ATP8B2: variants seen among roughly 807,000 people sequenced by gnomAD.
ATP8B2 encodes the protein phospholipid-transporting ATPase ID.
A neutral mutation model predicts 133.4 loss-of-function variants in ATP8B2; 70 were observed. The observed-to-expected ratio is 0.52, with a 90% CI of 0.43 to 0.64. ATP8B2 has a LOEUF of 0.64. Ranked by LOEUF, ATP8B2 falls within the 30% of genes least tolerant of loss-of-function variation. ATP8B2 has a pLI of 0.00. For synonymous variants in ATP8B2, 517 were observed against 589.5 expected (o/e 0.88, Z 1.78); for missense variants, 1,101 against 1,535.7 (o/e 0.72, Z 4.73).
chr1:154,340,291 G>A lies in ATP8B2; in HGVS notation c.1035-563G>A, dbSNP rs1003099826. Among the ~76,000 whole-genome samples the A allele has an allele frequency of 1.3e-5, 2 of 152,126 alleles. No homozygotes were observed. The highest frequency in any genetic ancestry group is 3.9e-4 in the East Asian group (2 of 5,194). ...TGGAGTCAGCACCTCAGCCCTGCCCGGTGTTCAGAATCAGGAATGTAGTGC... is the reference window on the plus strand; with the variant it reads ...TGGAGTCAGCACCTCAGCCCTGCCCAGTGTTCAGAATCAGGAATGTAGTGC... On this transcript the variant is annotated intron_variant, in intron 12 of 27. Coordinates refer to ENST00000368489, the MANE Select transcript of ATP8B2 (RefSeq NM_001370597.1). This position sits in a 1 kb window ranked among gnomAD's most constrained non-coding sequence, Gnocchi z 4.0.
In ATP8B2 at chr1:154,344,918, C is replaced by T; in HGVS notation, c.2287-53C>T. On this transcript the variant is annotated intron_variant, in intron 21 of 27. Transcript: ENST00000368489. The surrounding 1 kb of genome is among the most constrained non-coding windows in gnomAD (Gnocchi z 4.1). ...CAAAGGGGACTGGGAGGAGCTGAGA[C>T]TCCCAGGTGTCTCCTGGAAAGACTG... The T allele has an allele frequency of 6.4e-7, 1 of 1,567,510 alleles. No individual in the cohort carries two copies. The highest frequency in any genetic ancestry group is 1.4e-5 in the African/African-American group (1 of 73,618).
intron 14 of ATP8B2, 66 bp from the exon 15 acceptor site, chr1:154,342,730 T>C: frequency 1.3e-6 from 2 of 1,570,730 alleles, no homozygotes; most frequent in Non-Finnish European, 1.7e-6. Context: ...AGGGCAGGGA[T>C]GAACCCTTCC....
chr1:154,327,340 C>T (rs1439276234), intron 1 of ATP8B2, among the ~76,000 whole-genome samples: 5 of 147,620 alleles, frequency 3.4e-5, no homozygotes, highest in Non-Finnish European at 5.9e-5. Context: ...GGAGAAAGGA[C>T]ATGGGAAGGC....
rs1431640771 is a variant in ATP8B2 at position 154,350,861 on chromosome 1, G to A, written c.*1743G>A. Reference sequence around the variant, plus strand: ...ATTCTTCAGGAATGGTTTGGAGCTGGGAGTGGGTAGGGGGATTTTAAATGT... The same window carrying A: ...ATTCTTCAGGAATGGTTTGGAGCTGAGAGTGGGTAGGGGGATTTTAAATGT... On this transcript the variant is annotated 3_prime_UTR_variant, in exon 28 of 28. Coordinates refer to ENST00000368489, the MANE Select transcript of ATP8B2 (RefSeq NM_001370597.1). 1 of 152,086 alleles carries A rather than the reference G, an allele frequency of 6.6e-6. No individual in the cohort carries two copies. Among genetic ancestry groups the A allele is most frequent in the Non-Finnish European group, 1.5e-5 (1 of 67,972 alleles). 9.4% of individuals were successfully genotyped at this position (152,086 alleles called of 1,614,324 possible). A position where few individuals can be genotyped will look rare whatever the true frequency, so the allele number is the denominator to read the frequency against.
chr1:154,331,414 T>C lies in ATP8B2; in HGVS notation c.304-30T>C, dbSNP rs774523805. 1 of 1,605,578 alleles carries C rather than the reference T, an allele frequency of 6.2e-7. No individual in the cohort carries two copies. The highest frequency in any genetic ancestry group is 8.5e-7 in the Non-Finnish European group (1 of 1,174,028). ...CGAATTCCTTCGAGGCGGGGGAAGG[T>C]GTCTTACCTTTCAGTTTTCTTCTTT... On this transcript the variant is annotated intron_variant, in intron 5 of 27. Transcript: ENST00000368489. This position sits in a 1 kb window ranked among gnomAD's most constrained non-coding sequence, Gnocchi z 4.8.
At chr1:154,338,489 G>A (rs1242846307) in intron 12 of ATP8B2, among the ~76,000 whole-genome samples, 1 of 152,044 alleles carries the variant, frequency 6.6e-6, no homozygotes, top group Admixed American at 6.6e-5. Context: ...TTGAAACCCC[G>A]TCTCTACTAA....
At chr1:154,332,052 C>T (rs1227825822) in intron 8 of ATP8B2, 28 bp downstream of exon 8, 3 of 1,595,506 alleles carry the variant, frequency 1.9e-6, no homozygotes, top group African/African-American at 1.3e-5. Context: ...TGTCAGCCCT[C>T]TCCTTCTGTC....
rs759970744 is a variant in ATP8B2 at position 154,332,626 on chromosome 1, A to G, written c.518A>G (p.Asn173Ser). The change falls in exon 9 of 28, where the codon AAC becomes AGC. Residue 173 changes from asparagine (N) to serine (S), a missense_variant. By Grantham distance (46) the Asn-to-Ser change is conservative (BLOSUM62 1). Transcript: ENST00000368489. ...AGATACTGTCCTTCCAGCGAGACCA[A>G]CATGAAAGTACGTCAGGCGATTCCA... ...IETAELDGET[N>S]MKVRQAIPVT... is the part of the protein sequence containing the mutation. 1.9e-6 allele frequency: 3 copies of G among 1,588,276 alleles called. No individual in the cohort carries two copies. Among genetic ancestry groups the G allele is most frequent in the East Asian group, 4.5e-5 (2 of 43,974 alleles).
Position 154,345,365 on chromosome 1 carries a change from G to C in ATP8B2, c.2514G>C (p.Gln838His). 1 of 1,614,182 alleles carries C rather than the reference G, an allele frequency of 6.2e-7. No homozygotes were observed. Among genetic ancestry groups the C allele is most frequent in the Non-Finnish European group, 8.5e-7 (1 of 1,180,042 alleles). ...GGATCAGTGGGCAGGAAGGGATCCAGGCTGTCTTGGCCTCCGATTACTCCT... is the reference window on the plus strand; with the variant it reads ...GGATCAGTGGGCAGGAAGGGATCCACGCTGTCTTGGCCTCCGATTACTCCT... ...GVGISGQEGI[Q>H]AVLASDYSFS... The change falls in exon 23 of 28, where the codon CAG (glutamine) becomes CAC (histidine). Residue 838 changes from glutamine (Q) to histidine (H), a missense_variant. Coordinates refer to ENST00000368489, the MANE Select transcript of ATP8B2 (RefSeq NM_001370597.1). This position sits in a 1 kb window ranked among gnomAD's most constrained non-coding sequence, Gnocchi z 5.6.
chr1:154,337,700 G>C (rs201727840), intron 12 of ATP8B2, 156 bp downstream of exon 12: 66 of 1,558,916 alleles, frequency 4.2e-5, no homozygotes, highest in Middle Eastern at 1.7e-4. Context: ...TTTGTGGGCA[G>C]AGCAAACTTT....
intron 9 of ATP8B2, among the ~76,000 whole-genome samples, chr1:154,333,136 C>T (rs1047596437): frequency 6.6e-6 from 1 of 152,050 alleles, no homozygotes; most frequent in Non-Finnish European, 1.5e-5. Flanking sequence ...ATGGTGAAAC[C>T]CTGTCTCTAT....
In ATP8B2 at chr1:154,346,384, G is replaced by A. The variant is rs1490213401; in HGVS notation, c.2932G>A (p.Asp978Asn). The A allele has an allele frequency of 6.2e-7, 1 of 1,614,086 alleles. No individual in the cohort carries two copies. Among genetic ancestry groups the A allele is most frequent in the Non-Finnish European group, 8.5e-7 (1 of 1,180,052 alleles). ...MFFIPYGVFA[D>N]ATRDDGTQLA... is the part of the protein sequence containing the mutation. ...CTTCATTCCCTATGGGGTGTTTGCT[G>A]ATGCCACCCGGGATGATGGCACTCA... Residue 978 changes from aspartate (D) to asparagine (N), a missense_variant, in exon 25 of 28, where the codon GAT (aspartate) becomes AAT (asparagine). Transcript: ENST00000368489. This position sits in a 1 kb window ranked among gnomAD's most constrained non-coding sequence, Gnocchi z 4.5.
chr1:154,332,534 A>G (rs1209264), intron 8 of ATP8B2, 84 bp from the exon 9 acceptor site: 984,074 of 1,099,304 alleles, frequency 0.9, 441,737 homozygotes, highest in Middle Eastern at 0.97. Flanking sequence ...CTCCAGCCTG[A>G]GCAGCAGAGC....
Position 154,330,469 on chromosome 1 carries a change from A to G in ATP8B2, c.90+15A>G, listed in dbSNP as rs1354543974. 7 of 1,612,916 alleles carry G rather than the reference A, an allele frequency of 4.3e-6. No individual in the cohort carries two copies. The African/African-American group carries it at 9.4e-5, about 22-fold the overall frequency. On this transcript the variant is annotated intron_variant, in intron 3 of 27. Coordinates refer to ENST00000368489, the MANE Select transcript of ATP8B2 (RefSeq NM_001370597.1). ...TCCAGTATGCGGTAAGCGACTCTAG[A>G]CCACCTGTTCCCTCTCTCTGTTTGG... is the stretch of plus-strand genomic sequence containing the variant.
Position 154,342,362 on chromosome 1 carries a change from C to T in ATP8B2, c.1244-118C>T. On this transcript the variant is annotated intron_variant, in intron 13 of 27. Transcript: ENST00000368489. ...AGTGACTCACACTGTGACAGCTGCT[C>T]AGCGATTAGGGTTGAGGGGCTCAGT... The T allele has an allele frequency of 2.0e-6, 2 of 1,001,944 alleles. 1 individual carries two copies. The highest frequency in any genetic ancestry group is 6.1e-4 in the Middle Eastern group (2 of 3,300). 62.1% of individuals were successfully genotyped at this position (1,001,944 alleles called of 1,614,324 possible).
intron 12 of ATP8B2, chr1:154,338,668 C>G (rs1626035): frequency 6.6e-6 from 1 of 152,098 alleles, no homozygotes; most frequent in South Asian, 2.1e-4. Flanking sequence ...CAAAAAACAA[C>G]GAAACAAACA....
At chr1:154,348,611 G>A in intron 27 of ATP8B2, 73 bp downstream of exon 27, 1 of 1,565,050 alleles carries the variant, frequency 6.4e-7, no homozygotes, top group Non-Finnish European at 8.7e-7. Context: ...AACACTGGGG[G>A]GCTCTGTGGG....
At position 154,350,954 on chromosome 1, in the gene ATP8B2, G is replaced by A. The variant is rs1394571690; in HGVS notation, c.*1836G>A. 1.3e-5 allele frequency: 2 copies of A among 152,322 alleles called. No individual in the cohort carries two copies. The highest frequency in any genetic ancestry group is 4.8e-5 in the African/African-American group (2 of 41,362). The allele number at this position is 152,322 out of a possible 1,614,324, so 9.4% of individuals were successfully genotyped here. ...GTGGGGGCGGGTGGGCAGGGAATGGGAGAGGGGAAGTCTTGGCAGGGAAAT... is the reference window on the plus strand; with the variant it reads ...GTGGGGGCGGGTGGGCAGGGAATGGAAGAGGGGAAGTCTTGGCAGGGAAAT... On this transcript the variant is annotated 3_prime_UTR_variant, in exon 28 of 28. Transcript: ENST00000368489.
intron 12 of ATP8B2, among the ~76,000 whole-genome samples, chr1:154,339,992 G>T (rs972802403): frequency 1.3e-5 from 2 of 152,008 alleles, no homozygotes; most frequent in Non-Finnish European, 1.5e-5. Flanking sequence ...GACCAGTGTG[G>T]GCAACACAGC....
Sources: gnomAD v4.1 joint callset for allele counts (sites outside exome capture counted in the v4.1 genomes callset) on GRCh38, gnomAD v4.1.1 for gene constraint, Gnocchi (gnomAD v3.1) non-coding constraint, MANE v1.5 for transcripts, NCBI Gene and HGNC (gene_info 2026-07-23, HGNC 2026-07-21) for gene names.